KCNMB2: variants seen among roughly 807,000 people sequenced by gnomAD.
KCNMB2 encodes potassium calcium-activated channel subfamily M regulatory beta subunit 2.
A neutral mutation model predicts 24.5 loss-of-function variants in KCNMB2; 9 were observed. That is an observed-to-expected ratio of 0.37 (90% CI 0.22 to 0.64). The LOEUF (loss-of-function observed/expected upper bound fraction) is 0.64. Ranked by LOEUF, KCNMB2 falls within the 30% of genes least tolerant of loss-of-function variation. The pLI, the probability that KCNMB2 is intolerant of heterozygous loss-of-function variation, is 0.63. For synonymous variants in KCNMB2, 109 were observed against 104.4 expected (o/e 1.04, Z -0.27); for missense variants, 226 against 284.3 (o/e 0.79, Z 1.47).
At chr3:178,563,383 G>A (rs1441483648) in intron 1 of KCNMB2, among the ~76,000 whole-genome samples, 1 of 152,106 alleles carries the variant, frequency 6.6e-6, no homozygotes, top group Non-Finnish European at 1.5e-5. Flanking sequence ...TTCTGTGGTG[G>A]GTAGCTGGAG....
chr3:178,726,180 A>G (rs1482297319), intron 1 of KCNMB2, among the ~76,000 whole-genome samples: 1 of 151,964 alleles, frequency 6.6e-6, no homozygotes, highest in Non-Finnish European at 1.5e-5. Context: ...TAGTTCAAGT[A>G]GAATGTAAAA....
intron 1 of KCNMB2, among the ~76,000 whole-genome samples, chr3:178,758,187 G>GGATATATATATATATATATACAAGA (rs1724258590): frequency 1.0e-4 from 1 of 9,924 alleles, no homozygotes; most frequent in Admixed American, 1.6e-3. Context: ...TATATCCAAG[G>GGATATATATATATATATATACAAGA]GGATATATAT....
At chr3:178,665,099 G>A (rs1720670835) in intron 1 of KCNMB2, among the ~76,000 whole-genome samples, 3 of 152,070 alleles carry the variant, frequency 2.0e-5, no homozygotes. Context: ...ATTCTGCTTT[G>A]TGGCATTTGT....
intron 1 of KCNMB2, among the ~76,000 whole-genome samples, chr3:178,639,790 G>A (rs1486542786): frequency 6.6e-6 from 1 of 152,158 alleles, no homozygotes; most frequent in African/African-American, 2.4e-5. Flanking sequence ...ACACCTACGT[G>A]TGCCATGTGG....
chr3:178,607,629 G>A (rs528740410), intron 1 of KCNMB2, among the ~76,000 whole-genome samples: 21 of 110,734 alleles, frequency 1.9e-4, no homozygotes, highest in Non-Finnish European at 1.6e-4. Context: ...TTGTGCATGC[G>A]TGTGTGTGTG....
chr3:178,831,092 T>C (rs1033253052), intron 4 of KCNMB2, among the ~76,000 whole-genome samples: 1 of 123,374 alleles, frequency 8.1e-6, no homozygotes, highest in African/African-American at 3.7e-5. Context: ...TTTTTATATA[T>C]GGATCAAGTT....
intron 1 of KCNMB2, among the ~76,000 whole-genome samples, chr3:178,568,726 TAG>T (rs1441494305): frequency 6.6e-6 from 1 of 151,872 alleles, no homozygotes; most frequent in African/African-American, 2.4e-5. Flanking sequence ...CTGGAATGTG[TAG>T]AGAAATCTTT....
At chr3:178,593,889 C>CA (rs1364386735) in intron 1 of KCNMB2, among the ~76,000 whole-genome samples, 1 of 143,750 alleles carries the variant, frequency 7.0e-6, no homozygotes, top group Non-Finnish European at 1.5e-5. Flanking sequence ...ACCTCTTGGC[C>CA]ACGGCATACC....
chr3:178,568,045 T>A (rs1716589657), intron 1 of KCNMB2, among the ~76,000 whole-genome samples: 1 of 152,210 alleles, frequency 6.6e-6, no homozygotes, highest in African/African-American at 2.4e-5. Context: ...AAATGTGTGA[T>A]TAAAGGTCCC....
chr3:178,575,772 GGA>G (rs904618577), intron 1 of KCNMB2, among the ~76,000 whole-genome samples: 9 of 152,196 alleles, frequency 5.9e-5, no homozygotes, highest in Admixed American at 4.6e-4. Flanking sequence ...GATGTGTGAG[GGA>G]GAGAAAATTA....
At chr3:178,700,636 A>G (rs935988667) in intron 1 of KCNMB2, among the ~76,000 whole-genome samples, 4 of 152,252 alleles carry the variant, frequency 2.6e-5, no homozygotes, top group African/African-American at 9.6e-5. Flanking sequence ...CCCATGCCTA[A>G]TATGACTGAG....
chr3:178,552,869 C>T (rs1253337951), intron 1 of KCNMB2, among the ~76,000 whole-genome samples: 1 of 152,132 alleles, frequency 6.6e-6, no homozygotes, highest in Non-Finnish European at 1.5e-5. Flanking sequence ...CTTCTGACAG[C>T]CCCCATAATG....
rs1162396837 is a variant in KCNMB2, at chr3:178,562,482, C to T, written c.-68+25771C>T. Among the ~76,000 whole-genome samples, 3 of 152,188 alleles carry T rather than the reference C, an allele frequency of 2.0e-5. No homozygotes were observed. In the South Asian group the frequency reaches 6.2e-4, roughly 32 times the overall value. On this transcript the variant is annotated intron_variant, in intron 1 of 4. Transcript: ENST00000452583. ...GAAAGTAGAGAAGAAGACCCAAGAG[C>T]TATAAGGCTAAGAAAAGAAACTTGG...
At chr3:178,758,376 AAG>A (rs1560007062) in intron 1 of KCNMB2, among the ~76,000 whole-genome samples, 1 of 10,866 alleles carries the variant, frequency 9.2e-5, no homozygotes, top group Non-Finnish European at 1.2e-4. Context: ...ATATATCTCC[AAG>A]AGGGGATACA....
intron 1 of KCNMB2, among the ~76,000 whole-genome samples, chr3:178,694,584 C>T (rs991415334): frequency 2.0e-5 from 3 of 152,228 alleles, no homozygotes; most frequent in Non-Finnish European, 2.9e-5. Flanking sequence ...GGTAAGTACA[C>T]CCATTCCAAA....
chr3:178,689,334 A>G (rs1031977094), intron 1 of KCNMB2, among the ~76,000 whole-genome samples: 29 of 152,120 alleles, frequency 1.9e-4, no homozygotes, highest in African/African-American at 1.9e-4. Context: ...TTGCATTTGT[A>G]TAGCATCTTA....
intron 1 of KCNMB2, among the ~76,000 whole-genome samples, chr3:178,622,927 A>G (rs944432751): frequency 6.6e-6 from 1 of 152,252 alleles, no homozygotes; most frequent in African/African-American, 2.4e-5. Flanking sequence ...CCAGTTAACC[A>G]GGAGAATGAC....
Position 178,748,106 on chromosome 3 carries a change from C to T in KCNMB2, c.-67-59237C>T, listed in dbSNP as rs1478287583. ...AACTTTTTACTCTGAGGCCAGTGAA[C>T]GTTCCATATTTTCTCTGGATATTTC... On this transcript the variant is annotated intron_variant, in intron 1 of 4. Transcript: ENST00000452583. Among the ~76,000 whole-genome samples the T allele has an allele frequency of 2.7e-5, 4 of 149,292 alleles. No individual in the cohort carries two copies. In the East Asian group the frequency reaches 5.8e-4, roughly 22 times the overall value.
chr3:178,664,476 CT>C (rs1280098213), intron 1 of KCNMB2, among the ~76,000 whole-genome samples: 5 of 151,880 alleles, frequency 3.3e-5, no homozygotes, highest in Non-Finnish European at 5.9e-5. Context: ...CTATTATATA[CT>C]TTTTTTTCTT....
Sources: allele counts gnomAD v4.1 joint callset (sites outside exome capture counted in the v4.1 genomes callset), GRCh38; gene constraint gnomAD v4.1.1; transcripts MANE v1.5; gene names NCBI Gene and HGNC (gene_info 2026-07-23, HGNC 2026-07-21).